Variants in SNX25 observed in about 807,000 individuals in gnomAD.
SNX25 encodes the protein sorting nexin-25.
SNX25 carries 62 observed loss-of-function variants against 113.7 expected under a neutral mutation model. The ratio of observed to expected loss-of-function variants is 0.55; its 90% confidence interval spans 0.44 to 0.67. SNX25 has a LOEUF of 0.67. SNX25 is among the 30% of genes least tolerant of loss of function. SNX25 has a pLI of 0.00. For synonymous variants in SNX25, 421 were observed against 436.2 expected, an observed-to-expected ratio of 0.97 and a Z score of 0.43; for missense variants, 1,014 against 1,161.0, an observed-to-expected ratio of 0.87 and a Z score of 1.84.
At chr4:185,234,543 G>A (rs1460275919) in intron 1 of SNX25, among the ~76,000 whole-genome samples, 2 of 71,880 alleles carry the variant, frequency 2.8e-5, no homozygotes, top group African/African-American at 4.7e-5. Context: ...TTAGCCGGGC[G>A]TGGTGGCGGG....
At chr4:185,346,691 G>A in intron 13 of SNX25, 41 bp downstream of exon 13, 2 of 1,282,804 alleles carry the variant, frequency 1.6e-6, no homozygotes, top group Admixed American at 2.4e-5. Context: ...GAAAAAATTA[G>A]TTATTTAGGG....
intron 1 of SNX25, among the ~76,000 whole-genome samples, chr4:185,220,142 G>C (rs1157554069): frequency 1.3e-5 from 2 of 152,076 alleles, no homozygotes; most frequent in Non-Finnish European, 2.9e-5. Context: ...TTCAGATCTA[G>C]TTTTGGGCCT....
Position 185,209,992 on chromosome 4 carries a change from A to G in SNX25, c.166A>G (p.Ser56Gly). 1.0e-6 allele frequency: 1 copy of G among 982,756 alleles called. No homozygotes were observed. The highest frequency in any genetic ancestry group is 1.2e-6 in the Non-Finnish European group (1 of 829,016). The allele number at this position is 982,756 out of a possible 1,614,324, so 60.9% of individuals were successfully genotyped here. The change falls in exon 1 of 19, where the codon AGC (serine) becomes GGC (glycine). Residue 56 changes from serine to glycine, a missense_variant. Coordinates refer to ENST00000652585, the MANE Select transcript of SNX25 (RefSeq NM_001378034.2). The surrounding 1 kb of genome is among the most constrained non-coding windows in gnomAD (Gnocchi z 5.2). ...AAAPGAPGGR[S>G]WWKPVAVAAL... ...GGCGCCGGGGGCCCCGGGCGGCCGG[A>G]GCTGGTGGAAGCCCGTGGCGGTGGC...
intron 13 of SNX25, among the ~76,000 whole-genome samples, chr4:185,349,306 G>A (rs573908558): frequency 6.6e-6 from 1 of 152,292 alleles, no homozygotes; most frequent in East Asian, 1.9e-4. Flanking sequence ...TCTCTATCCA[G>A]TCATCTGTTG....
intron 5 of SNX25, among the ~76,000 whole-genome samples, chr4:185,270,757 T>G (rs1748809222): frequency 1.3e-5 from 2 of 152,348 alleles, no homozygotes; most frequent in South Asian, 4.1e-4. Flanking sequence ...GTCTGGACAT[T>G]TCATGTAAAT....
At chr4:185,339,875 T>G (rs1179095673) in intron 11 of SNX25, among the ~76,000 whole-genome samples, 1 of 152,248 alleles carries the variant, frequency 6.6e-6, no homozygotes, top group African/African-American at 2.4e-5. Context: ...ATCTGATAGT[T>G]TCATCCTGCC....
At position 185,259,085 on chromosome 4, in the gene SNX25, A is replaced by G. The variant is rs1487200226; in HGVS notation, c.731+21A>G. 10 of 1,593,960 alleles carry G rather than the reference A, an allele frequency of 6.3e-6. No individual in the cohort carries two copies. In the Admixed American group the frequency reaches 1.7e-4, roughly 27 times the overall value. ...GCCAGGTAACTGTTCTAAGCAACTT[A>G]CCCCCTTTTTTGCATTAATTTTTTT... On this transcript the variant is annotated intron_variant, in intron 3 of 18. Coordinates refer to ENST00000652585, the MANE Select transcript of SNX25 (RefSeq NM_001378034.2).
At chr4:185,262,158 C>A (rs180839996) in intron 3 of SNX25, among the ~76,000 whole-genome samples, 9 of 152,290 alleles carry the variant, frequency 5.9e-5, no homozygotes, top group Non-Finnish European at 1.3e-4. Context: ...TAATAAATTG[C>A]CTTAATAAAA....
At chr4:185,377,250 G>T in the SNX25 span, 2 of 443,568 alleles carry the variant, frequency 4.5e-6, no homozygotes, top group South Asian at 5.9e-5. Context: ...GGGCGCGGTG[G>T]CTCACGCCTG....
chr4:185,303,791 G>T (rs1164623744), intron 6 of SNX25, among the ~76,000 whole-genome samples: 1 of 151,704 alleles, frequency 6.6e-6, no homozygotes, highest in Non-Finnish European at 1.5e-5. Context: ...ACTCCTGTAC[G>T]ATTTCTGCTA....
intron 2 of SNX25, among the ~76,000 whole-genome samples, chr4:185,258,225 G>C (rs946117788): frequency 6.6e-6 from 1 of 152,204 alleles, no homozygotes; most frequent in African/African-American, 2.4e-5. Context: ...CCACCCATAG[G>C]ATGCCAGCAG....
rs1486144807 is a variant in SNX25 at position 185,342,583 on chromosome 4, G to C, written c.2187+467G>C. ...AGGATTCTGTCACATACACAAGAGA[G>C]GCAGTAAGGCGCGGTGCTTGGAGGA... is the stretch of plus-strand genomic sequence containing the variant. On this transcript the variant is annotated intron_variant, in intron 12 of 18. Coordinates refer to ENST00000652585, the MANE Select transcript of SNX25 (RefSeq NM_001378034.2). Among the ~76,000 whole-genome samples, 3 of 149,692 alleles carry C rather than the reference G, an allele frequency of 2.0e-5. No homozygotes were observed. In the East Asian group the frequency reaches 6.0e-4, roughly 30 times the overall value.
At chr4:185,250,212 G>C (rs1443612052) in intron 2 of SNX25, among the ~76,000 whole-genome samples, 1 of 152,204 alleles carries the variant, frequency 6.6e-6, no homozygotes, top group African/African-American at 2.4e-5. Flanking sequence ...CGAGGACATA[G>C]ACTTAACTCC....
intron 7 of SNX25, among the ~76,000 whole-genome samples, chr4:185,314,346 T>TAAAG (rs2095053844): frequency 7.3e-6 from 1 of 136,620 alleles, no homozygotes; most frequent in Admixed American, 7.3e-5. Flanking sequence ...AAAAAAAAAT[T>TAAAG]AAAAGAAGCT....
chr4:185,257,960 TTAAATA>T (rs1192641713), intron 2 of SNX25, among the ~76,000 whole-genome samples: 1 of 152,142 alleles, frequency 6.6e-6, no homozygotes, highest in Non-Finnish European at 1.5e-5. Flanking sequence ...ACAGAGAAAG[TTAAATA>T]TAAATAATTA....
intron 6 of SNX25, among the ~76,000 whole-genome samples, chr4:185,288,740 C>A (rs1421217057): frequency 6.6e-6 from 1 of 152,114 alleles, no homozygotes; most frequent in East Asian, 1.9e-4. Context: ...GCTCTCAACT[C>A]CCTTGTAGTT....
intron 1 of SNX25, among the ~76,000 whole-genome samples, chr4:185,240,855 A>G (rs1319689188): frequency 2.0e-5 from 3 of 150,388 alleles, no homozygotes; most frequent in Admixed American, 1.3e-4. Context: ...GCGGCCGGGC[A>G]GAGACGCTCC....
Position 185,353,531 on chromosome 4 carries a change from T to A in SNX25, c.2513T>A (p.Val838Glu). ...DSDLSDYGDD[V>E]DGRKDALAEP... ...GACCTGTCAGATTATGGTGATGATG[T>A]GGATGGGAGGAAAGACGCCTTGGCT... The change falls in exon 15 of 19, where the codon GTG becomes GAG. Residue 838 changes from valine (V) to glutamate (E), a missense_variant. By Grantham distance (121) the Val-to-Glu change is moderately radical. Transcript: ENST00000652585. 6.2e-7 allele frequency: 1 copy of A among 1,614,174 alleles called. No homozygotes were observed. Among genetic ancestry groups the A allele is most frequent in the African/African-American group, 1.3e-5 (1 of 75,038 alleles).
chr4:185,310,870 A>ACCCTACCAAGTTTAT (rs1217064890), intron 7 of SNX25, 54 bp downstream of exon 7: 4 of 1,484,268 alleles, frequency 2.7e-6, no homozygotes, highest in Non-Finnish European at 3.6e-6. Flanking sequence ...ATAAATGCTG[A>ACCCTACCAAGTTTAT]TAGAACTACA....
Sources: allele counts gnomAD v4.1 joint callset (sites outside exome capture counted in the v4.1 genomes callset), GRCh38; gene constraint gnomAD v4.1.1; non-coding constraint Gnocchi (gnomAD v3.1); transcripts MANE v1.5; gene names NCBI Gene and HGNC (gene_info 2026-07-23, HGNC 2026-07-21).